Variants in SLC16A1 observed in about 807,000 individuals in gnomAD.
SLC16A1 encodes the protein monocarboxylate transporter 1.
Under a neutral mutation model 32.2 loss-of-function variants are expected in SLC16A1, and 11 were observed. That is an observed-to-expected ratio of 0.34 (90% CI 0.21 to 0.56). The LOEUF (loss-of-function observed/expected upper bound fraction) is 0.56, where lower values mean the gene tolerates loss of function less well. Among genes scored for constraint, SLC16A1 ranks in the 20% least tolerant of loss-of-function variants. The pLI is 0.87. For synonymous variants in SLC16A1, 231 were observed against 226.8 expected, an observed-to-expected ratio of 1.02 and a Z score of -0.17; for missense variants, 435 against 615.0, an observed-to-expected ratio of 0.71 and a Z score of 3.10.
At chr1:112,930,709 C>T (rs988373101) in intron 1 of SLC16A1, among the ~76,000 whole-genome samples, 1 of 151,620 alleles carries the variant, frequency 6.6e-6, no homozygotes, top group Non-Finnish European at 1.5e-5. Flanking sequence ...AATACATAAC[C>T]TACAAACATT....
At position 112,935,366 on chromosome 1, in the gene SLC16A1, A is replaced by T. The variant is rs1219100896; in HGVS notation, c.-44-6014T>A. ...GGAGGTTGCAGTGAGCTGAGATTGC[A>T]CTACTGTACTACAGCCTGGTGACAC... is the stretch of plus-strand genomic sequence containing the variant. On this transcript the variant is annotated intron_variant, in intron 1 of 4. Transcript: ENST00000369626. Among the ~76,000 whole-genome samples, 6 of 152,278 alleles carry T rather than the reference A, an allele frequency of 3.9e-5. No individual in the cohort carries two copies. In the East Asian group the frequency reaches 1.2e-3, roughly 29 times the overall value.
In SLC16A1 at chr1:112,917,387, T is replaced by C. The variant is rs1306453703; in HGVS notation, c.1019A>G (p.Asn340Ser). The C allele has an allele frequency of 6.2e-7, 1 of 1,614,212 alleles. No homozygotes were observed. The highest frequency in any genetic ancestry group is 8.5e-7 in the Non-Finnish European group (1 of 1,180,040). Residue 340 changes from asparagine to serine, a missense_variant, in exon 4 of 5, where the codon AAT (asparagine) becomes AGT (serine). Transcript: ENST00000369626. This position sits in a 1 kb window ranked among gnomAD's most constrained non-coding sequence, Gnocchi z 4.1. ...QYFFAASVVA[N>S]GVCHMLAPLS... ...AGGTGCTAGCATATGACACACTCCA[T>C]TTGCAACAACGGAAGCCGCAAAGAA...
At chr1:112,926,541 C>T (rs1011688069) in intron 2 of SLC16A1, among the ~76,000 whole-genome samples, 24 of 152,040 alleles carry the variant, frequency 1.6e-4, no homozygotes, top group African/African-American at 5.8e-4. Flanking sequence ...AGAGATCATG[C>T]CACTGTAGTC....
chr1:112,955,500 A>C (rs1382121661), intron 1 of SLC16A1: 1 of 152,262 alleles, frequency 6.6e-6, no homozygotes, highest in Non-Finnish European at 1.5e-5. Flanking sequence ...GGCTGTGGGG[A>C]ATGCGGCTCT....
rs764118886 is a variant in SLC16A1, at chr1:112,929,163, C to A, written c.146G>T (p.Gly49Val). The A allele has an allele frequency of 8.1e-6, 13 of 1,614,012 alleles. No homozygotes were observed. The South Asian group carries it at 1.3e-4, about 16-fold the overall frequency. Residue 49 changes from glycine (G) to valine (V), a missense_variant, in exon 2 of 5, where the codon GGT (glycine) becomes GTT (valine). Physicochemically the swap from Gly to Val is moderately radical, Grantham distance 109. Transcript: ENST00000369626. ...SITVFFKEIE[G>V]IFHATTSEVS... ...TTCGCTGGTGGTGGCATGGAATATACCTTCAATCTCTTTGAAGAAGACAGT... is the reference window on the plus strand; with the variant it reads ...TTCGCTGGTGGTGGCATGGAATATAACTTCAATCTCTTTGAAGAAGACAGT...
In SLC16A1 at chr1:112,917,352, T is replaced by G; in HGVS notation, c.1054A>C (p.Thr352Pro). 8 of 1,614,010 alleles carry G rather than the reference T, an allele frequency of 5.0e-6. No individual in the cohort carries two copies. Among genetic ancestry groups the G allele is most frequent in the Non-Finnish European group, 6.8e-6 (8 of 1,180,010 alleles). Reference protein sequence around the residue: ...VCHMLAPLSTTYVGFCVYAGF... With the variant: ...VCHMLAPLSTPYVGFCVYAGF... ...GCATAGACACAGAATCCAACATAGG[T>G]AGTGGATAAAGGTGCTAGCATATGA... Residue 352 changes from threonine (T) to proline (P), a missense_variant, in exon 4 of 5, where the codon ACC becomes CCC. This residue lies in a region of SLC16A1 where 324 missense variants were observed against 500.3 expected (regional missense o/e 0.65). Coordinates refer to ENST00000369626, the MANE Select transcript of SLC16A1 (RefSeq NM_003051.4). The surrounding 1 kb of genome is among the most constrained non-coding windows in gnomAD (Gnocchi z 4.1).
chr1:112,940,387 C>T (rs531565521), intron 1 of SLC16A1, among the ~76,000 whole-genome samples: 4 of 151,978 alleles, frequency 2.6e-5, no homozygotes, highest in African/African-American at 4.8e-5. Context: ...AGACCTCAAT[C>T]GTGAGAGAGT....
intron 2 of SLC16A1, 181 bp downstream of exon 2, chr1:112,928,911 T>C (rs978681832): frequency 1.6e-6 from 1 of 614,862 alleles, no homozygotes; most frequent in Non-Finnish European, 2.9e-6. Context: ...TACAGTATAC[T>C]ATAGCAAGAG....
Position 112,917,288 on chromosome 1 carries a change from A to G in SLC16A1, c.1118T>C (p.Val373Ala), listed in dbSNP as rs1420312679. ...AAGGTCCATCAATGTTTCAAACAAT[A>G]CGGAGCTGAGCCACCCGAAGGCAAA... ...FGFAFGWLSS[V>A]LFETLMDLVG... Residue 373 changes from valine to alanine, a missense_variant, in exon 4 of 5, where the codon GTA becomes GCA. Val to Ala is a moderately conservative substitution (Grantham distance 64). Coordinates refer to ENST00000369626, the MANE Select transcript of SLC16A1 (RefSeq NM_003051.4). The surrounding 1 kb of genome is among the most constrained non-coding windows in gnomAD (Gnocchi z 4.1). 14 of 1,614,102 alleles carry G rather than the reference A, an allele frequency of 8.7e-6. No homozygotes were observed. Among genetic ancestry groups the G allele is most frequent in the Non-Finnish European group, 1.0e-5 (12 of 1,180,048 alleles).
At chr1:112,946,704 C>T (rs187241898) in intron 1 of SLC16A1, among the ~76,000 whole-genome samples, 2 of 152,150 alleles carry the variant, frequency 1.3e-5, no homozygotes, top group Non-Finnish European at 2.9e-5. Flanking sequence ...CAGGCATGCA[C>T]CACCACGCCC....
chr1:112,936,266 G>A (rs1649300159), intron 1 of SLC16A1, among the ~76,000 whole-genome samples: 1 of 151,976 alleles, frequency 6.6e-6, no homozygotes, highest in Admixed American at 6.6e-5. Context: ...CAAACACTTT[G>A]GGAGGCCGAG....
chr1:112,946,772 TGAACTCCTGACCTCA>T (rs1356984249), intron 1 of SLC16A1, among the ~76,000 whole-genome samples: 1 of 152,174 alleles, frequency 6.6e-6, no homozygotes, highest in African/African-American at 2.4e-5. Flanking sequence ...AGGCTAATTT[TGAACTCCTGACCTCA>T]GATGATCCAC....
At chr1:112,942,007 G>C (rs2101645954) in intron 1 of SLC16A1, among the ~76,000 whole-genome samples, 1 of 151,794 alleles carries the variant, frequency 6.6e-6, no homozygotes, top group Middle Eastern at 3.4e-3. Context: ...TTTCACTCTT[G>C]GTTGCCCAGG....
At chr1:112,924,861 G>C (rs1304143234) in intron 2 of SLC16A1, among the ~76,000 whole-genome samples, 1 of 151,964 alleles carries the variant, frequency 6.6e-6, no homozygotes, top group African/African-American at 2.4e-5. Flanking sequence ...AACAGAGTGA[G>C]GTTCTGTCTC....
intron 1 of SLC16A1, among the ~76,000 whole-genome samples, chr1:112,950,762 CA>C (rs1249455449): frequency 6.6e-6 from 1 of 152,170 alleles, no homozygotes; most frequent in Admixed American, 6.5e-5. Context: ...TTTGGGATGC[CA>C]AGGCAGGAGG....
At chr1:112,946,218 T>C (rs1272402794) in intron 1 of SLC16A1, among the ~76,000 whole-genome samples, 1 of 152,202 alleles carries the variant, frequency 6.6e-6, no homozygotes, top group Non-Finnish European at 1.5e-5. Context: ...TTTCACTCTT[T>C]CACTGCATTT....
chr1:112,951,990 T>C (rs900888782), intron 1 of SLC16A1, among the ~76,000 whole-genome samples: 11 of 152,142 alleles, frequency 7.2e-5, no homozygotes, highest in African/African-American at 2.7e-4. Context: ...ATTAGTGTAG[T>C]ACAAAGAGGG....
At position 112,921,966 on chromosome 1, in the gene SLC16A1, C is replaced by G. The variant is rs772999812; in HGVS notation, c.361+24G>C. 3 of 1,613,728 alleles carry G rather than the reference C, an allele frequency of 1.9e-6. No individual in the cohort carries two copies. In the African/African-American group the frequency reaches 4.0e-5, roughly 22 times the overall value. ...AATAGCCAGCCATAAACTAATGCTT[C>G]CAAATGAATCAGTAGTAACTCACCT... On this transcript the variant is annotated intron_variant, in intron 3 of 4. Transcript: ENST00000369626.
intron 2 of SLC16A1, among the ~76,000 whole-genome samples, chr1:112,927,790 CT>C (rs1317021649): frequency 6.6e-6 from 1 of 152,214 alleles, no homozygotes. Context: ...ACATCACTTA[CT>C]TTTGATGCAA....
Sources: gnomAD v4.1 joint callset for allele counts (sites outside exome capture counted in the v4.1 genomes callset) on GRCh38, gnomAD v4.1.1 for gene constraint, gnomAD v4.1.1 regional missense constraint, Gnocchi (gnomAD v3.1) non-coding constraint, MANE v1.5 for transcripts, NCBI Gene and HGNC (gene_info 2026-07-23, HGNC 2026-07-21) for gene names.